PAPPA2: variants seen among roughly 807,000 people sequenced by gnomAD.
PAPPA2 encodes pappalysin 2, also known as pappalysin-2.
In PAPPA2, 86 loss-of-function variants were observed where a neutral mutation model predicts 176.4. The observed-to-expected ratio is 0.49, with a 90% CI of 0.41 to 0.58. The LOEUF (loss-of-function observed/expected upper bound fraction) is 0.58. Ranked by LOEUF, PAPPA2 falls within the 20% of genes least tolerant of loss-of-function variation. The probability of loss-of-function intolerance (pLI) is 0.00; values close to 1 mark genes in which losing one functional copy is unlikely to be tolerated. For missense variants in PAPPA2, 2,073 were observed against 2,256.9 expected (o/e 0.92, Z 1.65); for synonymous variants, 809 against 852.2 (o/e 0.95, Z 0.88).
At chr1:176,616,351 A>G in intron 3 of PAPPA2, 3 of 568,264 alleles carry the variant, frequency 5.3e-6, no homozygotes, top group East Asian at 4.4e-5. Flanking sequence ...TCCAAATACA[A>G]AAGTTGCTTG....
At chr1:176,748,070 A>G (rs2102883520) in intron 14 of PAPPA2, among the ~76,000 whole-genome samples, 1 of 152,334 alleles carries the variant, frequency 6.6e-6, no homozygotes, top group Non-Finnish European at 1.5e-5. Flanking sequence ...TCAACTTTGT[A>G]TTCAATTGAT....
At chr1:176,548,120 G>A (rs1375854928) in intron 1 of PAPPA2, among the ~76,000 whole-genome samples, 1 of 152,170 alleles carries the variant, frequency 6.6e-6, no homozygotes, top group African/African-American at 2.4e-5. Context: ...ATAGATAATT[G>A]TTAAGACTAT....
chr1:176,719,784 C>T lies in PAPPA2; in HGVS notation c.3798+7803C>T, dbSNP rs1044229238. Among the ~76,000 whole-genome samples, 24 of 152,212 alleles carry T rather than the reference C, an allele frequency of 1.6e-4. 1 individual carries two copies. The highest frequency in any genetic ancestry group is 9.8e-4 in the Admixed American group (15 of 15,290). On this transcript the variant is annotated intron_variant, in intron 12 of 22. Coordinates refer to ENST00000367662, the MANE Select transcript of PAPPA2 (RefSeq NM_020318.3). ...ATTATCATTTTTCATTTATTTGCTA[C>T]GTGTTCATCCTTTTTAGCCAATTCC...
At chr1:176,619,520 A>G (rs1655466395) in intron 3 of PAPPA2, among the ~76,000 whole-genome samples, 1 of 152,222 alleles carries the variant, frequency 6.6e-6, no homozygotes, top group Non-Finnish European at 1.5e-5. Context: ...CTATGGATAC[A>G]GGAAGTTGAA....
intron 1 of PAPPA2, among the ~76,000 whole-genome samples, chr1:176,486,173 A>C (rs945994375): frequency 2.6e-5 from 4 of 152,222 alleles, no homozygotes; most frequent in Non-Finnish European, 5.9e-5. Context: ...CAGATAAAGG[A>C]AAGATAGAGA....
intron 1 of PAPPA2, among the ~76,000 whole-genome samples, chr1:176,490,503 A>C (rs1241545915): frequency 2.0e-5 from 3 of 152,152 alleles, no homozygotes; most frequent in Non-Finnish European, 1.5e-5. Context: ...TTTGTGATAC[A>C]AATGTAGAAT....
chr1:176,724,930 G>A (rs1051884804), intron 12 of PAPPA2, among the ~76,000 whole-genome samples: 1 of 152,122 alleles, frequency 6.6e-6, no homozygotes, highest in African/African-American at 2.4e-5. Context: ...GGCTAGTAGA[G>A]CTACAGATAG....
intron 12 of PAPPA2, among the ~76,000 whole-genome samples, chr1:176,717,259 C>T (rs1661419751): frequency 6.6e-6 from 1 of 152,110 alleles, no homozygotes; most frequent in African/African-American, 2.4e-5. Flanking sequence ...CAGCCAAAAC[C>T]AGCAGATGGC....
chr1:176,482,998 G>T (rs1266799943), intron 1 of PAPPA2, among the ~76,000 whole-genome samples: 1 of 152,184 alleles, frequency 6.6e-6, no homozygotes, highest in East Asian at 1.9e-4. Context: ...ATGCTGCATG[G>T]TAAAGGTGAC....
chr1:176,763,788 T>C (rs1663805311), intron 14 of PAPPA2, among the ~76,000 whole-genome samples: 3 of 152,188 alleles, frequency 2.0e-5, no homozygotes, highest in Admixed American at 1.3e-4. Context: ...AGGGAGTTAT[T>C]TTTTAAATTT....
chr1:176,740,877 C>G (rs1662648615), intron 14 of PAPPA2, among the ~76,000 whole-genome samples: 1 of 152,138 alleles, frequency 6.6e-6, no homozygotes, highest in Admixed American at 6.5e-5. Context: ...AGTGGGACTA[C>G]AGGTGACAGG....
At chr1:176,661,474 G>C (rs1426061511) in intron 3 of PAPPA2, among the ~76,000 whole-genome samples, 1 of 151,178 alleles carries the variant, frequency 6.6e-6, no homozygotes, top group East Asian at 2.0e-4. Flanking sequence ...TCAGGGACAT[G>C]CTGCCCAGCA....
chr1:176,558,224 A>G (rs1651441948), intron 2 of PAPPA2, among the ~76,000 whole-genome samples: 1 of 152,232 alleles, frequency 6.6e-6, no homozygotes, highest in African/African-American at 2.4e-5. Context: ...AATTTGAATT[A>G]TCCACAGTGC....
chr1:176,637,396 C>T (rs1409959088), intron 3 of PAPPA2, among the ~76,000 whole-genome samples: 3 of 152,154 alleles, frequency 2.0e-5, no homozygotes, highest in Non-Finnish European at 4.4e-5. Flanking sequence ...TGGATATAAA[C>T]AGATGGGTTA....
chr1:176,739,683 G>A lies in PAPPA2; in HGVS notation c.3856G>A (p.Gly1286Ser). ...RAIFIFLTTD[G>S]LVPGEHQQPT... ...AATTTTTATTTTTTTGACAACTGAT[G>A]GCCTAGTTCCCGGAGAGCATCAGCA... Residue 1286 changes from glycine (G) to serine (S), a missense_variant, in exon 13 of 23, where the codon GGC becomes AGC. Physicochemically the swap from Gly to Ser is moderately conservative, Grantham distance 56 (BLOSUM62 0). Around this residue, in one of 4 missense-constraint regions of PAPPA2, gnomAD observed 846 missense variants for 857.9 expected, o/e 0.99. Transcript: ENST00000367662. 4 of 1,613,626 alleles carry A rather than the reference G, an allele frequency of 2.5e-6. No individual in the cohort carries two copies. Among genetic ancestry groups the A allele is most frequent in the Non-Finnish European group, 3.4e-6 (4 of 1,179,754 alleles).
chr1:176,670,736 A>T (rs1253014999), intron 3 of PAPPA2, among the ~76,000 whole-genome samples: 1 of 152,214 alleles, frequency 6.6e-6, no homozygotes, highest in Admixed American at 6.5e-5. Flanking sequence ...TGGAGTATCC[A>T]TACAAACATT....
In PAPPA2 at chr1:176,734,839, T is replaced by C. The variant is rs893954751; in HGVS notation, c.3799-4787T>C. On this transcript the variant is annotated intron_variant, in intron 12 of 22. Coordinates refer to ENST00000367662, the MANE Select transcript of PAPPA2 (RefSeq NM_020318.3). ...AATCTGATTTCTCTCAACCTCTAAT[T>C]GGACCACGAATGGCTTTTAAAAGTG... Among the ~76,000 whole-genome samples, 3 of 152,158 alleles carry C rather than the reference T, an allele frequency of 2.0e-5. No homozygotes were observed. In the East Asian group the frequency reaches 5.8e-4, roughly 29 times the overall value.
intron 1 of PAPPA2, among the ~76,000 whole-genome samples, chr1:176,543,195 T>G (rs1650453376): frequency 6.6e-6 from 1 of 152,192 alleles, no homozygotes; most frequent in African/African-American, 2.4e-5. Flanking sequence ...GCAGTTATGA[T>G]GAAGAGGCAG....
intron 3 of PAPPA2, among the ~76,000 whole-genome samples, chr1:176,651,115 T>G (rs925428391): frequency 1.3e-5 from 2 of 151,728 alleles, no homozygotes; most frequent in Non-Finnish European, 3.0e-5. Flanking sequence ...ATTATTAGTT[T>G]TGATAGATTT....
Sources: gnomAD v4.1 joint callset for allele counts (sites outside exome capture counted in the v4.1 genomes callset) on GRCh38, gnomAD v4.1.1 for gene constraint, gnomAD v4.1.1 regional missense constraint, MANE v1.5 for transcripts, NCBI Gene and HGNC (gene_info 2026-07-23, HGNC 2026-07-21) for gene names.